The following NMT1 variants were observed in gnomAD, a reference collection of about 807,000 sequenced individuals.
The protein encoded by NMT1 is N-myristoyltransferase 1.
NMT1 carries 12 observed loss-of-function variants against 63.4 expected under a neutral mutation model. The ratio of observed to expected loss-of-function variants is 0.19; its 90% CI spans 0.12 to 0.31. The LOEUF (loss-of-function observed/expected upper bound fraction) is 0.31, where lower values mean the gene tolerates loss of function less well. Among genes scored for constraint, NMT1 ranks in the 10% least tolerant of loss-of-function variants. NMT1 has a pLI of 1.00. For missense variants in NMT1, 432 were observed against 634.6 expected (o/e 0.68, Z 3.43); for synonymous variants, 228 against 234.3 (o/e 0.97, Z 0.25).
At chr17:45,091,014 C>T (rs144242011) in intron 3 of NMT1, among the ~76,000 whole-genome samples, 95 of 152,152 alleles carry the variant, frequency 6.2e-4, no homozygotes, top group Non-Finnish European at 9.0e-4. Context: ...TTCTTGGCAT[C>T]GAGGGCACTC....
chr17:45,071,777 T>C (rs1299212661), intron 1 of NMT1, among the ~76,000 whole-genome samples: 1 of 152,144 alleles, frequency 6.6e-6, no homozygotes, highest in African/African-American at 2.4e-5. Flanking sequence ...TGGAGTACAG[T>C]GGCTATTCAC....
rs1348327259 is a variant in NMT1 at position 45,107,979 on chromosome 17, T to C, written c.*2340T>C. ...GCTCATCTGATTTTTGTCCCAGTAG[T>C]CCCTGCGTTCTTCATTCAACCCCTT... On this transcript the variant is annotated 3_prime_UTR_variant, in exon 12 of 12. Coordinates refer to ENST00000258960, the MANE Select transcript of NMT1 (RefSeq NM_021079.5). The C allele has an allele frequency of 6.6e-6, 1 of 152,304 alleles. No homozygotes were observed. The highest frequency in any genetic ancestry group is 1.5e-5 in the Non-Finnish European group (1 of 68,126). 9.4% of individuals were successfully genotyped at this position (152,304 alleles called of 1,614,324 possible).
intron 1 of NMT1, among the ~76,000 whole-genome samples, chr17:45,072,974 A>G (rs1161010307): frequency 6.6e-6 from 1 of 152,176 alleles, no homozygotes; most frequent in Non-Finnish European, 1.5e-5. Flanking sequence ...GTGCAAACAG[A>G]ACTGAAGATG....
intron 3 of NMT1, among the ~76,000 whole-genome samples, chr17:45,091,187 G>GACACAC (rs3062356): frequency 0.047 from 5,631 of 120,956 alleles, 267 homozygotes; most frequent in South Asian, 0.067. Context: ...GGTCTTTCCT[G>GACACAC]ACACACACAC....
At chr17:45,069,452 C>A (rs983241809) in intron 1 of NMT1, among the ~76,000 whole-genome samples, 3 of 149,988 alleles carry the variant, frequency 2.0e-5, no homozygotes, top group Non-Finnish European at 3.0e-5. Flanking sequence ...CCACCACGCC[C>A]AGCTGATTTT....
chr17:45,104,221 C>T lies in NMT1; in HGVS notation c.1332+345C>T, dbSNP rs1415773662. On this transcript the variant is annotated intron_variant, in intron 10 of 11. Transcript: ENST00000258960. The surrounding 1 kb of genome is among the most constrained non-coding windows in gnomAD (Gnocchi z 4.2). ...TGGGAAAGGGGTGATTGCTGTCTGT[C>T]GTGGTGAGTCATTGGAGCATCCAAC... The T allele has an allele frequency of 4.1e-6, 5 of 1,224,398 alleles. No individual in the cohort carries two copies. The highest frequency in any genetic ancestry group is 5.2e-6 in the Non-Finnish European group (5 of 966,306). 75.8% of individuals were successfully genotyped at this position (1,224,398 alleles called of 1,614,324 possible).
At chr17:45,088,764 T>TAAA (rs368660508) in intron 3 of NMT1, among the ~76,000 whole-genome samples, 15,151 of 147,634 alleles carry the variant, frequency 0.1, 881 homozygotes, top group Middle Eastern at 0.17. Flanking sequence ...AAAAATGAAT[T>TAAA]TAAAAAAAAA....
chr17:45,066,630 A>G (rs1426288249), intron 1 of NMT1, among the ~76,000 whole-genome samples: 1 of 152,036 alleles, frequency 6.6e-6, no homozygotes, highest in Non-Finnish European at 1.5e-5. Context: ...ATGTATACAT[A>G]TAGGTATACA....
In NMT1 at chr17:45,104,807, G is replaced by A. The variant is rs2054192298; in HGVS notation, c.1333-52G>A. 1 of 1,606,130 alleles carries A rather than the reference G, an allele frequency of 6.2e-7. No individual in the cohort carries two copies. Among genetic ancestry groups the A allele is most frequent in the Non-Finnish European group, 8.5e-7 (1 of 1,173,738 alleles). On this transcript the variant is annotated intron_variant, in intron 10 of 11. Transcript: ENST00000258960. This position sits in a 1 kb window ranked among gnomAD's most constrained non-coding sequence, Gnocchi z 4.2. ...AATGGCAGCAAAGGGGTAGGAAGGA[G>A]GCTGTCCCCACCTGTCCTCACCTGT... is the stretch of plus-strand genomic sequence containing the variant.
rs2053980142 is a variant in NMT1 at position 45,076,734 on chromosome 17, G to A, written c.132-4910G>A. Among the ~76,000 whole-genome samples, 3 of 150,866 alleles carry A rather than the reference G, an allele frequency of 2.0e-5. No individual in the cohort carries two copies. In the South Asian group the frequency reaches 6.3e-4, roughly 32 times the overall value. On this transcript the variant is annotated intron_variant, in intron 1 of 11. Transcript: ENST00000258960. ...CATTGCACTCCAGCCTGGGCAACAA[G>A]AGTGAAACTCTGTCTCAAAAAAAAA...
At chr17:45,097,340 G>GGAA (rs2054131745) in intron 6 of NMT1, 96 bp downstream of exon 6, 4 of 945,756 alleles carry the variant, frequency 4.2e-6, no homozygotes, top group Middle Eastern at 2.1e-4. Context: ...CCCCATGAAA[G>GGAA]GAAGAGGGAA....
At position 45,103,709 on chromosome 17, in the gene NMT1, A is replaced by G; in HGVS notation, c.1165A>G (p.Asn389Asp). The change falls in exon 10 of 12, where the codon AAC (asparagine) becomes GAC (aspartate). Residue 389 changes from asparagine to aspartate, a missense_variant and splice_region_variant. Coordinates refer to ENST00000258960, the MANE Select transcript of NMT1 (RefSeq NM_021079.5). The surrounding 1 kb of genome is among the most constrained non-coding windows in gnomAD (Gnocchi z 4.8). ...TGCCTCTTTATTGCCTTCCCTTCAG[A>G]ACGCAAACGGAGAGGTGACAGATTT... ...ENIIDTFVVE[N>D]ANGEVTDFLS... The G allele has an allele frequency of 1.9e-6, 3 of 1,611,128 alleles. No individual in the cohort carries two copies. The highest frequency in any genetic ancestry group is 2.5e-6 in the Non-Finnish European group (3 of 1,178,360).
At chr17:45,066,600 C>CA (rs1348587726) in intron 1 of NMT1, among the ~76,000 whole-genome samples, 1 of 151,552 alleles carries the variant, frequency 6.6e-6, no homozygotes, top group East Asian at 2.0e-4. Context: ...TAAATAAAAA[C>CA]AAAAAAACCC....
chr17:45,085,819 C>CTTT (rs747872109), intron 2 of NMT1, among the ~76,000 whole-genome samples: 12 of 145,560 alleles, frequency 8.2e-5, no homozygotes, highest in African/African-American at 1.8e-4. Context: ...CCCTTTAACT[C>CTTT]TTTTTTTTTT....
At chr17:45,094,193 A>G (rs909289103) in intron 4 of NMT1, among the ~76,000 whole-genome samples, 1 of 152,018 alleles carries the variant, frequency 6.6e-6, no homozygotes, top group Non-Finnish European at 1.5e-5. Context: ...TATTTCCCTT[A>G]TAAAGAATGA....
Position 45,103,223 on chromosome 17 carries a change from C to G in NMT1, c.1164+102C>G. 1 of 1,113,752 alleles carries G rather than the reference C, an allele frequency of 9.0e-7. No homozygotes were observed. Among genetic ancestry groups the G allele is most frequent in the East Asian group, 2.4e-5 (1 of 41,818 alleles). The allele number at this position is 1,113,752 out of a possible 1,614,324, so 69.0% of individuals were successfully genotyped here. On this transcript the variant is annotated intron_variant, in intron 9 of 11. Coordinates refer to ENST00000258960, the MANE Select transcript of NMT1 (RefSeq NM_021079.5). This position sits in a 1 kb window ranked among gnomAD's most constrained non-coding sequence, Gnocchi z 4.8. The stretch of plus-strand genomic sequence containing the variant: ...GCTCGAGTGTTGGCACCTTAGACTT[C>G]CTTGACCATCCGTGTTTGGTCCTCC...
At chr17:45,077,516 G>C (rs1359583088) in intron 1 of NMT1, among the ~76,000 whole-genome samples, 1 of 152,038 alleles carries the variant, frequency 6.6e-6, no homozygotes, top group Non-Finnish European at 1.5e-5. Context: ...TCAGCCTCCC[G>C]AGTAGCTGGG....
chr17:45,105,488 G>A lies in NMT1; in HGVS notation c.1471-131G>A. 1 of 951,204 alleles carries A rather than the reference G, an allele frequency of 1.1e-6. No homozygotes were observed. Among genetic ancestry groups the A allele is most frequent in the Non-Finnish European group, 1.7e-6 (1 of 596,200 alleles). 58.9% of individuals were successfully genotyped at this position (951,204 alleles called of 1,614,324 possible). ...GGAGGTTGAGTGTGGGGCCGGCTGG[G>A]TGTGAGTCTGCTCCCACAGCACAGG... On this transcript the variant is annotated intron_variant, in intron 11 of 11. Coordinates refer to ENST00000258960, the MANE Select transcript of NMT1 (RefSeq NM_021079.5). The surrounding 1 kb of genome is among the most constrained non-coding windows in gnomAD (Gnocchi z 4.2).
Position 45,108,132 on chromosome 17 carries a change from G to C in NMT1, c.*2493G>C, listed in dbSNP as rs1989804. On this transcript the variant is annotated 3_prime_UTR_variant, in exon 12 of 12. Coordinates refer to ENST00000258960, the MANE Select transcript of NMT1 (RefSeq NM_021079.5). ...GGACCCTGAGGCCTTCACGCTAACC[G>C]TCCTCGAGCAACTGCTGTTGGAAGG... 0.42 allele frequency: 63,376 copies of C among 152,128 alleles called. 13,944 individuals carry two copies. Among genetic ancestry groups the C allele is most frequent in the East Asian group, 0.82 (4,232 of 5,134 alleles). The allele number at this position is 152,128 out of a possible 1,614,324, so 9.4% of individuals were successfully genotyped here.
Sources: gnomAD v4.1 joint callset for allele counts (sites outside exome capture counted in the v4.1 genomes callset) on GRCh38, gnomAD v4.1.1 for gene constraint, Gnocchi (gnomAD v3.1) non-coding constraint, MANE v1.5 for transcripts, NCBI Gene and HGNC (gene_info 2026-07-23, HGNC 2026-07-21) for gene names.